The following FCGR3A variants were observed in gnomAD, a reference collection of about 807,000 sequenced individuals.
FCGR3A encodes low affinity immunoglobulin gamma Fc region receptor III-A.
FCGR3A carries 13 observed loss-of-function variants against 24.1 expected under a neutral mutation model. The observed-to-expected ratio is 0.54, with a 90% CI of 0.35 to 0.86. The LOEUF is 0.86. FCGR3A is among the 40% of genes least tolerant of loss of function. FCGR3A has a pLI of 0.01. For missense variants in FCGR3A, 235 were observed against 298.0 expected (o/e 0.79, Z 1.56); for synonymous variants, 93 against 112.2 (o/e 0.83, Z 1.08).
In FCGR3A at chr1:161,542,134, C is replaced by G. The variant is rs1435244030; in HGVS notation, c.*878G>C. The G allele has an allele frequency of 2.0e-5, 3 of 152,492 alleles. No individual in the cohort carries two copies. Among genetic ancestry groups the G allele is most frequent in the Non-Finnish European group, 4.4e-5 (3 of 68,156 alleles). 9.4% of individuals were successfully genotyped at this position (152,492 alleles called of 1,614,324 possible). A position where few individuals can be genotyped will look rare whatever the true frequency, so the allele number is the denominator to read the frequency against. On this transcript the variant is annotated 3_prime_UTR_variant, in exon 5 of 5. Coordinates refer to ENST00000443193, the MANE Select transcript of FCGR3A (RefSeq NM_000569.8). ...ATTCTTACTACCCTGGCCAAGAAAG[C>G]ATTTTCACCTCCTGCGCTTTCCTTC... is the stretch of plus-strand genomic sequence containing the variant.
chr1:161,549,990 A>G (rs1003462350), upstream of FCGR3A: 54 of 841,978 alleles, frequency 6.4e-5, 1 homozygote, highest in Middle Eastern at 2.6e-3. Context: ...TACTCCCTCA[A>G]AGGTCTGTGG....
intron 3 of FCGR3A, among the ~76,000 whole-genome samples, chr1:161,546,162 C>A (rs7526944): frequency 0.38 from 58,309 of 151,652 alleles, 11,655 homozygotes; most frequent in East Asian, 0.6. Flanking sequence ...TGATTCTCTA[C>A]CACAAAGATT....
Position 161,549,721 on chromosome 1 carries a change from G to C in FCGR3A, c.16C>G (p.Leu6Val), listed in dbSNP as rs1239130722. MWQLL[L>V]PTALLLLVSA... ...CCTAGAAGTAGCAGAGCAGTTGGGA[G>C]GAGCAGCTGCCACATGATGCCACAC... is the stretch of plus-strand genomic sequence containing the variant. Residue 6 changes from leucine to valine, a missense_variant, in exon 1 of 5, where the codon CTC (leucine) becomes GTC (valine). Coordinates refer to ENST00000443193, the MANE Select transcript of FCGR3A (RefSeq NM_000569.8). The C allele has an allele frequency of 3.0e-5, 49 of 1,613,920 alleles. 1 individual carries two copies. Among genetic ancestry groups the C allele is most frequent in the Non-Finnish European group, 4.2e-5 (49 of 1,179,900 alleles).
At chr1:161,549,296 C>G (rs1677624768) in intron 1 of FCGR3A, among the ~76,000 whole-genome samples, 1 of 151,798 alleles carries the variant, frequency 6.6e-6, no homozygotes, top group African/African-American at 2.4e-5. Flanking sequence ...ATTAAGGGTA[C>G]AGGTTGAATT....
intron 3 of FCGR3A, among the ~76,000 whole-genome samples, chr1:161,546,787 C>T (rs373624761): frequency 2.6e-5 from 4 of 152,006 alleles, no homozygotes; most frequent in Admixed American, 6.6e-5. Flanking sequence ...CACCTGTAGT[C>T]CCAGCTACTT....
chr1:161,545,082 A>C, intron 3 of FCGR3A, 124 bp from the exon 4 acceptor site: 1 of 1,253,782 alleles, frequency 8.0e-7, no homozygotes, highest in Admixed American at 2.7e-5. Flanking sequence ...TCAACCCTGC[A>C]TAGCTCCCTT....
upstream of FCGR3A, chr1:161,549,864 C>T (rs369787182): frequency 2.9e-5 from 46 of 1,611,452 alleles, no homozygotes; most frequent in Non-Finnish European, 3.7e-5. Context: ...CCACCAATTT[C>T]CTTTTCTTGA....
intron 3 of FCGR3A, among the ~76,000 whole-genome samples, chr1:161,547,977 G>A (rs1677510626): frequency 1.3e-5 from 2 of 152,302 alleles, no homozygotes; most frequent in Non-Finnish European, 2.9e-5. Context: ...GGCTGAGGCA[G>A]GAGAATCACT....
Position 161,549,760 on chromosome 1 carries a change from T to A in FCGR3A, c.-24A>T, listed in dbSNP as rs2102537298. 6.2e-7 allele frequency: 1 copy of A among 1,613,724 alleles called. No homozygotes were observed. The highest frequency in any genetic ancestry group is 2.2e-5 in the East Asian group (1 of 44,858). ...ATGATGCCACACTGGAGTGGACAAG[T>A]CACCAAAGATATCCGGAGCCCTAAA... On this transcript the variant is annotated 5_prime_UTR_variant, in exon 1 of 5. Coordinates refer to ENST00000443193, the MANE Select transcript of FCGR3A (RefSeq NM_000569.8).
In FCGR3A at chr1:161,544,891, G is replaced by A. The variant is rs1677313705; in HGVS notation, c.387C>T (p.His129=). The A allele has an allele frequency of 1.9e-6, 3 of 1,613,652 alleles. No homozygotes were observed. The highest frequency in any genetic ancestry group is 2.5e-6 in the Non-Finnish European group (3 of 1,179,728). Residue 129 remains histidine (H), a synonymous_variant, in exon 4 of 5, where the codon CAC becomes CAT. Coordinates refer to ENST00000443193, the MANE Select transcript of FCGR3A (RefSeq NM_000569.8). ...KEEDPIHLRC[H]SWKNTALHKV... is the part of the protein sequence containing the mutation. Reference sequence around the variant, plus strand: ...TATGCAGAGCAGTGTTCTTCCAGCTGTGACACCTCAGGTGAATAGGGTCTT... The same window carrying A: ...TATGCAGAGCAGTGTTCTTCCAGCTATGACACCTCAGGTGAATAGGGTCTT...
intron 3 of FCGR3A, among the ~76,000 whole-genome samples, chr1:161,548,011 C>T (rs1224004750): frequency 2.0e-5 from 3 of 152,288 alleles, no homozygotes; most frequent in African/African-American, 4.8e-5. Context: ...GCAGAAGTTG[C>T]AGTGAGCTGA....
chr1:161,544,910 G>A lies in FCGR3A; in HGVS notation c.368C>T (p.Pro123Leu), dbSNP rs1677315258. The change falls in exon 4 of 5, where the codon CCT (proline) becomes CTT (leucine). Residue 123 changes from proline (P) to leucine (L), a missense_variant. Coordinates refer to ENST00000443193, the MANE Select transcript of FCGR3A (RefSeq NM_000569.8). Reference protein sequence around the residue: ...APRWVFKEEDPIHLRCHSWKN... With the variant: ...APRWVFKEEDLIHLRCHSWKN... ...CCAGCTGTGACACCTCAGGTGAATA[G>A]GGTCTTCCTCCTTGAACACCCACCG... is the stretch of plus-strand genomic sequence containing the variant. The A allele has an allele frequency of 1.9e-6, 3 of 1,613,242 alleles. No homozygotes were observed. The highest frequency in any genetic ancestry group is 2.7e-5 in the African/African-American group (2 of 74,964).
At chr1:161,543,392 C>T (rs1254369390) in intron 4 of FCGR3A, among the ~76,000 whole-genome samples, 193 bp from the exon 5 acceptor site, 2 of 152,122 alleles carry the variant, frequency 1.3e-5, no homozygotes, top group East Asian at 1.9e-4. Context: ...GAGCAGAGGA[C>T]AGCTCACCAA....
chr1:161,547,163 C>T (rs1226513244), intron 3 of FCGR3A, among the ~76,000 whole-genome samples: 4 of 152,022 alleles, frequency 2.6e-5, no homozygotes, highest in South Asian at 2.1e-4. Flanking sequence ...TTGGTAATTC[C>T]CCCATTTTAT....
chr1:161,548,092 T>A (rs1233670065), intron 3 of FCGR3A, among the ~76,000 whole-genome samples: 1 of 152,246 alleles, frequency 6.6e-6, no homozygotes, highest in Non-Finnish European at 1.5e-5. Flanking sequence ...TTAAAAAAAA[T>A]GAAAATAAAT....
rs148832845 is a variant in FCGR3A at position 161,549,622 on chromosome 1, G to A, written c.40+75C>T. On this transcript the variant is annotated intron_variant, in intron 1 of 4. Coordinates refer to ENST00000443193, the MANE Select transcript of FCGR3A (RefSeq NM_000569.8). ...CCATCCCTTCGTGGGAGTCTCATTC[G>A]TAGCCTGAAAAGGGGTCTCTGCTGA... is the stretch of plus-strand genomic sequence containing the variant. The A allele has an allele frequency of 5.1e-5, 81 of 1,591,004 alleles. 2 individuals are homozygous for A. Among genetic ancestry groups the A allele is most frequent in the African/African-American group, 3.8e-4 (28 of 74,352 alleles).
At chr1:161,545,766 C>T (rs780839987) in intron 3 of FCGR3A, 17 of 151,676 alleles carry the variant, frequency 1.1e-4, no homozygotes, top group Non-Finnish European at 2.5e-4. Context: ...AGGTCATGGT[C>T]GGGAAAGGGC....
chr1:161,546,702 A>G (rs966257163), intron 3 of FCGR3A, among the ~76,000 whole-genome samples: 19 of 152,018 alleles, frequency 1.2e-4, no homozygotes, highest in East Asian at 7.7e-4. Context: ...TCAGGAGATC[A>G]AGACCATCCT....
At chr1:161,543,226 A>G in intron 4 of FCGR3A, 27 bp from the exon 5 acceptor site, 1 of 1,605,010 alleles carries the variant, frequency 6.2e-7, no homozygotes, top group Middle Eastern at 1.7e-4. Context: ...AGAGATGAAA[A>G]AAAATGACAG....
Sources: allele counts gnomAD v4.1 joint callset (sites outside exome capture counted in the v4.1 genomes callset), GRCh38; gene constraint gnomAD v4.1.1; transcripts MANE v1.5; gene names NCBI Gene and HGNC (gene_info 2026-07-23, HGNC 2026-07-21).